Variants in EGFL6 observed in about 807,000 individuals in gnomAD.
The protein encoded by EGFL6 is epidermal growth factor-like protein 6.
A neutral mutation model predicts 43.1 loss-of-function variants in EGFL6; 42 were observed. That is an observed-to-expected ratio of 0.98 (90% CI 0.76 to 1.26). The LOEUF (loss-of-function observed/expected upper bound fraction) is 1.26. Among genes scored for constraint, EGFL6 ranks in the 50% most tolerant of loss-of-function variants. The pLI, the probability that EGFL6 is intolerant of heterozygous loss-of-function variation, is 0.00. For missense variants in EGFL6, 429 were observed against 427.8 expected, an observed-to-expected ratio of 1.00 and a Z score of -0.02; for synonymous variants, 164 against 163.2, an observed-to-expected ratio of 1.01 and a Z score of -0.04.
At position 13,588,313 on chromosome X, in the gene EGFL6, G is replaced by A. The variant is rs183779528; in HGVS notation, c.75-1243G>A. Among the ~76,000 whole-genome samples the A allele has an allele frequency of 7.1e-5, 8 of 112,199 alleles. No individual in the cohort carries two copies. The East Asian group carries it at 2.2e-3, about 31-fold the overall frequency. On this transcript the variant is annotated intron_variant, in intron 1 of 11. Transcript: ENST00000361306. The stretch of plus-strand genomic sequence containing the variant: ...AATCTACAAGGTTGTTTAACTTCCC[G>A]ACCTTGACTTAGATATTATTAACTT...
In EGFL6 at chrX:13,589,447, C is replaced by T. The variant is rs2045551018; in HGVS notation, c.75-109C>T. On this transcript the variant is annotated intron_variant, in intron 1 of 11. Transcript: ENST00000361306. ...TCTAATTTAGCACTTACTGCGGGTTCGTTGAAATTAACCAGGTAATTGACA... is the reference window on the plus strand; with the variant it reads ...TCTAATTTAGCACTTACTGCGGGTTTGTTGAAATTAACCAGGTAATTGACA... 1.2e-5 allele frequency: 7 copies of T among 605,737 alleles called. No individual in the cohort carries two copies. The South Asian group carries it at 3.2e-4, about 28-fold the overall frequency. The allele number at this position is 605,737 out of a possible 1,213,427, so 49.9% of individuals were successfully genotyped here. A position where few individuals can be genotyped will look rare whatever the true frequency, so the allele number is the denominator to read the frequency against.
chrX:13,617,940 G>T lies in EGFL6; in HGVS notation c.989G>T (p.Gly330Val), dbSNP rs1178157260. 2.5e-6 allele frequency: 3 copies of T among 1,209,891 alleles called. No individual in the cohort carries two copies. The African/African-American group carries it at 5.3e-5, about 21-fold the overall frequency. ...EIVSRGGNSH[G>V]GKKGNEEKMK... The stretch of plus-strand genomic sequence containing the variant: ...GTTTCCAGAGGCGGGAACTCTCATG[G>T]AGGTAAAAAAGGGAATGAAGAGAAA... The change falls in exon 8 of 12, where the codon GGA (glycine) becomes GTA (valine). Residue 330 changes from glycine (G) to valine (V), a missense_variant. Physicochemically the swap from Gly to Val is moderately radical, Grantham distance 109 (BLOSUM62 -3). Transcript: ENST00000361306.
intron 1 of EGFL6, among the ~76,000 whole-genome samples, chrX:13,583,362 A>C (rs1395038938): frequency 9.1e-6 from 1 of 110,211 alleles, no homozygotes; most frequent in Admixed American, 9.7e-5. Flanking sequence ...CCCCTCACCC[A>C]CCCATCCCAA....
intron 11 of EGFL6, among the ~76,000 whole-genome samples, chrX:13,627,730 G>A (rs2146711663): frequency 8.9e-6 from 1 of 111,850 alleles, no homozygotes; most frequent in East Asian, 2.8e-4. Flanking sequence ...TTCCGTAAAA[G>A]GACTCACACA....
chrX:13,597,792 A>C (rs1040420792), intron 3 of EGFL6, among the ~76,000 whole-genome samples: 1 of 111,538 alleles, frequency 9.0e-6, no homozygotes, highest in African/African-American at 3.3e-5. Context: ...TCAGAAAAAA[A>C]AATCATGCTT....
At chrX:13,596,413 C>G (rs1310296882) in intron 3 of EGFL6, 3 of 111,882 alleles carry the variant, frequency 2.7e-5, no homozygotes, top group Admixed American at 1.9e-4. Context: ...GAGGACTTAC[C>G]TTCAGTCAAG....
At chrX:13,609,098 G>T (rs1055438497) in intron 7 of EGFL6, among the ~76,000 whole-genome samples, 1 of 112,185 alleles carries the variant, frequency 8.9e-6, no homozygotes, top group Non-Finnish European at 1.9e-5. Context: ...AACAATAAAG[G>T]TTTATTTCTC....
At chrX:13,569,961 TC>T (rs1041359526) in intron 1 of EGFL6, 26 bp downstream of exon 1, 11 of 1,199,357 alleles carry the variant, frequency 9.2e-6, no homozygotes, top group African/African-American at 1.8e-5. Context: ...GCGATTGGCT[TC>T]CCCCCACCCC....
Position 13,633,120 on chromosome X carries a change from T to G in EGFL6, c.*25T>G, listed in dbSNP as rs767499614. 1.8e-6 allele frequency: 2 copies of G among 1,139,755 alleles called. No individual in the cohort carries two copies. The highest frequency in any genetic ancestry group is 2.7e-5 in the Admixed American group (1 of 36,420). The allele number at this position is 1,139,755 out of a possible 1,213,427, so 93.9% of individuals were successfully genotyped here. A position where few individuals can be genotyped will look rare whatever the true frequency, so the allele number is the denominator to read the frequency against. The stretch of plus-strand genomic sequence containing the variant: ...AATGTTACTATCTTTATATTTGACT[T>G]TGTATGTCAGTTCCCTGGTTTTTTT... On this transcript the variant is annotated 3_prime_UTR_variant, in exon 12 of 12. Transcript: ENST00000361306.
At position 13,571,522 on chromosome X, in the gene EGFL6, A is replaced by G. The variant is rs140296826; in HGVS notation, c.74+1587A>G. Among the ~76,000 whole-genome samples, 1,030 of 111,841 alleles carry G rather than the reference A, an allele frequency of 9.2e-3. 12 individuals are homozygous for G. The highest frequency in any genetic ancestry group is 0.032 in the African/African-American group (971 of 30,733). On this transcript the variant is annotated intron_variant, in intron 1 of 11. Coordinates refer to ENST00000361306, the MANE Select transcript of EGFL6 (RefSeq NM_015507.4). ...TTGCTAGAAAGCCCACTTAAAAAAG[A>G]CCAAATGCTGTTTGGAGATGAGATT...
At chrX:13,621,609 CT>C (rs1349968899) in intron 9 of EGFL6, among the ~76,000 whole-genome samples, 2 of 112,061 alleles carry the variant, frequency 1.8e-5, no homozygotes, top group African/African-American at 6.5e-5. Flanking sequence ...CCAACAACTC[CT>C]GTCCATCACT....
intron 7 of EGFL6, among the ~76,000 whole-genome samples, chrX:13,614,069 T>C (rs1254241454): frequency 8.9e-6 from 1 of 112,116 alleles, no homozygotes; most frequent in Non-Finnish European, 1.9e-5. Context: ...GTTCACCCAT[T>C]TAAGCCTCCC....
At chrX:13,597,557 G>C (rs1379594090) in intron 3 of EGFL6, among the ~76,000 whole-genome samples, 2 of 111,807 alleles carry the variant, frequency 1.8e-5, no homozygotes, top group Non-Finnish European at 3.8e-5. Context: ...GTCGAGGTGG[G>C]TGGATCACTT....
At chrX:13,573,175 A>AT (rs776577709) in intron 1 of EGFL6, among the ~76,000 whole-genome samples, 7 of 112,011 alleles carry the variant, frequency 6.2e-5, no homozygotes, top group Non-Finnish European at 1.3e-4. Context: ...GATATATAAG[A>AT]TAACATTTAC....
chrX:13,600,150 A>G (rs1212847862), intron 4 of EGFL6, 56 bp downstream of exon 4: 1 of 1,140,796 alleles, frequency 8.8e-7, no homozygotes, highest in Non-Finnish European at 1.2e-6. Context: ...GGCTTTTGCC[A>G]TTTGATGCTT....
In EGFL6 at chrX:13,619,327, A is replaced by G. The variant is rs745991336; in HGVS notation, c.1183+84A>G. The stretch of plus-strand genomic sequence containing the variant: ...TCTTCATACAGTGAAATGATTGTTT[A>G]TGAATCCCTGCTTCATTCGTAAACC... On this transcript the variant is annotated intron_variant, in intron 9 of 11. Coordinates refer to ENST00000361306, the MANE Select transcript of EGFL6 (RefSeq NM_015507.4). The G allele has an allele frequency of 5.4e-5, 46 of 848,921 alleles. No individual in the cohort carries two copies. In the South Asian group the frequency reaches 9.9e-4, roughly 18 times the overall value. 70.0% of individuals were successfully genotyped at this position (848,921 alleles called of 1,213,427 possible).
At chrX:13,595,511 G>A (rs1479533912) in intron 3 of EGFL6, among the ~76,000 whole-genome samples, 1 of 111,724 alleles carries the variant, frequency 9.0e-6, no homozygotes. Flanking sequence ...AGTCCCTAGT[G>A]TGAATACTTT....
At chrX:13,627,445 C>T (rs890255428) in intron 11 of EGFL6, among the ~76,000 whole-genome samples, 169 bp downstream of exon 11, 1 of 112,033 alleles carries the variant, frequency 8.9e-6, no homozygotes, top group South Asian at 3.7e-4. Flanking sequence ...GGTGATTAAT[C>T]GGCACAACTC....
At chrX:13,625,683 C>G (rs1179212349) in intron 10 of EGFL6, among the ~76,000 whole-genome samples, 1 of 108,588 alleles carries the variant, frequency 9.2e-6, no homozygotes, top group Non-Finnish European at 1.9e-5. Context: ...GACTCCATCT[C>G]CAAGAAAATA....
Sources: gnomAD v4.1 joint callset for allele counts (sites outside exome capture counted in the v4.1 genomes callset) on GRCh38, gnomAD v4.1.1 for gene constraint, MANE v1.5 for transcripts, NCBI Gene and HGNC (gene_info 2026-07-23, HGNC 2026-07-21) for gene names.